Variants in UHMK1 observed in about 807,000 individuals in gnomAD.
UHMK1 encodes serine/threonine-protein kinase Kist.
Under a neutral mutation model 44.0 loss-of-function variants are expected in UHMK1, and 18 were observed. That is an observed-to-expected ratio of 0.41 (90% confidence interval 0.28 to 0.61). The LOEUF is 0.61. UHMK1 is among the 20% of genes least tolerant of loss of function. UHMK1 has a pLI of 0.31. For missense variants in UHMK1, 463 were observed against 522.5 expected, an observed-to-expected ratio of 0.89 and a Z score of 1.11; for synonymous variants, 231 against 198.5, an observed-to-expected ratio of 1.16 and a Z score of -1.38.
Position 162,503,759 on chromosome 1 carries a change from C to T in UHMK1, c.759C>T (p.Asn253=), listed in dbSNP as rs1651365609. 8.7e-6 allele frequency: 14 copies of T among 1,613,018 alleles called. No individual in the cohort carries two copies. Among genetic ancestry groups the T allele is most frequent in the East Asian group, 2.2e-5 (1 of 44,860 alleles). ...HTVRSQEWKA[N]SSAIIDHIFA... Reference sequence around the variant, plus strand: ...ACTTTTCTCCGTTTTTTAAGGCAAACAGTTCTGCTATTATTGATCACATAT... The same window carrying T: ...ACTTTTCTCCGTTTTTTAAGGCAAATAGTTCTGCTATTATTGATCACATAT... The change falls in exon 4 of 8, where the codon AAC becomes AAT. Residue 253 remains asparagine (N), a synonymous_variant. Transcript: ENST00000489294.
chr1:162,525,194 T>TAAA lies in UHMK1; in HGVS notation c.*2645_*2647dup, dbSNP rs1652204919. The stretch of plus-strand genomic sequence containing the variant: ...CTCCCTCCTGTGATATTATCTTTCT[T>TAAA]AAACCTGAACCAAATATCAAAAGAT... On this transcript the variant is annotated 3_prime_UTR_variant, in exon 8 of 8. Coordinates refer to ENST00000489294, the MANE Select transcript of UHMK1 (RefSeq NM_175866.5). 1.3e-5 allele frequency: 2 copies of TAAA among 152,224 alleles called. No individual in the cohort carries two copies. The highest frequency in any genetic ancestry group is 2.9e-5 in the Non-Finnish European group (2 of 68,038). The allele number at this position is 152,224 out of a possible 1,614,324, so 9.4% of individuals were successfully genotyped here.
At chr1:162,506,969 T>A (rs1651491894) in intron 4 of UHMK1, among the ~76,000 whole-genome samples, 1 of 152,220 alleles carries the variant, frequency 6.6e-6, no homozygotes, top group Non-Finnish European at 1.5e-5. Context: ...TGATTTTGAT[T>A]GTTCTGGGTC....
Position 162,502,333 on chromosome 1 carries a change from C to G in UHMK1, c.753+1229C>G, listed in dbSNP as rs377091454. 8.5e-5 allele frequency among the ~76,000 whole-genome samples: 13 copies of G among 152,246 alleles called. No individual in the cohort carries two copies. In the South Asian group the frequency reaches 2.7e-3, roughly 32 times the overall value. ...ATATAGTTTTGTTTCTTTTAAACAC[C>G]TGGTCACTGATTTCCATTGTAGCAT... is the stretch of plus-strand genomic sequence containing the variant. On this transcript the variant is annotated intron_variant, in intron 3 of 7. Coordinates refer to ENST00000489294, the MANE Select transcript of UHMK1 (RefSeq NM_175866.5).
chr1:162,511,189 C>CTTTTTTTTTTTTTTTTTTTTT (rs142796500), intron 4 of UHMK1, among the ~76,000 whole-genome samples: 4 of 101,004 alleles, frequency 4.0e-5, no homozygotes, highest in Admixed American at 1.1e-4. Context: ...TTTTCTTTTT[C>CTTTTTTTTTTTTTTTTTTTTT]TTTTTTTTTT....
At chr1:162,521,120 A>C (rs1048998356) in intron 7 of UHMK1, among the ~76,000 whole-genome samples, 1 of 152,178 alleles carries the variant, frequency 6.6e-6, no homozygotes, top group African/African-American at 2.4e-5. Context: ...CTTCATTTGA[A>C]TTTTTAATTC....
chr1:162,508,912 C>T (rs1651571270), intron 4 of UHMK1, among the ~76,000 whole-genome samples: 1 of 152,002 alleles, frequency 6.6e-6, no homozygotes, highest in Non-Finnish European at 1.5e-5. Context: ...CCCACCTTAG[C>T]CTCCAAAGTA....
chr1:162,501,136 CT>C (rs1319481571), intron 3 of UHMK1, 32 bp downstream of exon 3: 1 of 1,595,306 alleles, frequency 6.3e-7, no homozygotes, highest in Admixed American at 1.7e-5. Context: ...CTTTGGGGTC[CT>C]TACTTTCAAC....
chr1:162,512,609 T>C, intron 5 of UHMK1, 33 bp downstream of exon 5: 1 of 1,604,982 alleles, frequency 6.2e-7, no homozygotes, highest in East Asian at 2.2e-5. Context: ...TTTTTCTTGG[T>C]CATTTGACAG....
intron 6 of UHMK1, 98 bp downstream of exon 6, chr1:162,512,921 A>C: frequency 8.4e-7 from 1 of 1,187,616 alleles, no homozygotes; most frequent in South Asian, 1.3e-5. Context: ...TTATCTAATG[A>C]GAATATTGAA....
chr1:162,505,799 T>G (rs1363840859), intron 4 of UHMK1, among the ~76,000 whole-genome samples: 1 of 152,196 alleles, frequency 6.6e-6, no homozygotes, highest in Non-Finnish European at 1.5e-5. Flanking sequence ...TAGTATAGTT[T>G]CCTTTGAATA....
At position 162,500,990 on chromosome 1, in the gene UHMK1, G is replaced by C; in HGVS notation, c.639G>C (p.Leu213=). ...ELQNCLAQAG[L]QSDTECTSAV... ...AAAATTGCTTGGCCCAGGCTGGCCT[G>C]CAGAGTGATACAGAATGTACCTCAG... Residue 213 remains leucine (L), a synonymous_variant, in exon 3 of 8, where the codon CTG becomes CTC. Coordinates refer to ENST00000489294, the MANE Select transcript of UHMK1 (RefSeq NM_175866.5). 6.2e-7 allele frequency: 1 copy of C among 1,614,068 alleles called. No individual in the cohort carries two copies. Among genetic ancestry groups the C allele is most frequent in the Admixed American group, 1.7e-5 (1 of 60,020 alleles).
At chr1:162,502,616 G>A (rs1363172978) in intron 3 of UHMK1, among the ~76,000 whole-genome samples, 2 of 152,140 alleles carry the variant, frequency 1.3e-5, no homozygotes, top group Non-Finnish European at 2.9e-5. Flanking sequence ...AAATTTGTGT[G>A]AAATTTAGAG....
rs943984005 is a variant in UHMK1, at chr1:162,529,529, T to C, written c.*6979T>C. ...TGCCTTGTTCAGTTTTGTTGTAAAC[T>C]GACTTACCATAAGATGCACTGTTGA... is the stretch of plus-strand genomic sequence containing the variant. On this transcript the variant is annotated 3_prime_UTR_variant, in exon 8 of 8. Transcript: ENST00000489294. 6.6e-6 allele frequency: 1 copy of C among 152,230 alleles called. No individual in the cohort carries two copies. Among genetic ancestry groups the C allele is most frequent in the African/African-American group, 2.4e-5 (1 of 41,472 alleles). 9.4% of individuals were successfully genotyped at this position (152,230 alleles called of 1,614,324 possible).
chr1:162,520,918 T>C (rs1652031652), intron 7 of UHMK1, among the ~76,000 whole-genome samples: 1 of 152,150 alleles, frequency 6.6e-6, no homozygotes, highest in Non-Finnish European at 1.5e-5. Context: ...ACAGGAGAAG[T>C]CTTTTCCAGA....
rs761470637 is a variant in UHMK1, at chr1:162,498,186, C to T, written c.186C>T (p.Thr62=). 3.1e-6 allele frequency: 5 copies of T among 1,612,986 alleles called. No individual in the cohort carries two copies. The highest frequency in any genetic ancestry group is 2.2e-5 in the East Asian group (1 of 44,844). Residue 62 remains threonine (T), a synonymous_variant, in exon 1 of 8, where the codon ACC becomes ACT. Coordinates refer to ENST00000489294, the MANE Select transcript of UHMK1 (RefSeq NM_175866.5). ...ALKQFLPPGT[T]GAAASAAEYG... is the part of the protein sequence containing the mutation. The stretch of plus-strand genomic sequence containing the variant: ...AGCAGTTCTTGCCGCCAGGAACCAC[C>T]GGGGCTGCGGCCTCTGCCGCCGAGT...
At chr1:162,501,128 T>A (rs766954244) in intron 3 of UHMK1, 24 bp downstream of exon 3, 4 of 1,606,474 alleles carry the variant, frequency 2.5e-6, no homozygotes, top group Non-Finnish European at 3.4e-6. Context: ...GTGCTTTGCT[T>A]TGGGGTCCTT....
chr1:162,507,302 T>G (rs1651502484), intron 4 of UHMK1, among the ~76,000 whole-genome samples: 1 of 152,116 alleles, frequency 6.6e-6, no homozygotes, highest in African/African-American at 2.4e-5. Context: ...ATATTTTTAG[T>G]AGAGACAGGG....
At chr1:162,518,394 T>A (rs896991817) in intron 7 of UHMK1, among the ~76,000 whole-genome samples, 10 of 145,898 alleles carry the variant, frequency 6.9e-5, no homozygotes, top group East Asian at 3.9e-4. Flanking sequence ...GCACTTAAAA[T>A]TTTTTTTTTT....
At chr1:162,515,761 G>A (rs200073977) in intron 6 of UHMK1, among the ~76,000 whole-genome samples, 5 of 151,806 alleles carry the variant, frequency 3.3e-5, no homozygotes, top group Admixed American at 6.6e-5. Flanking sequence ...TTGGCCGGGC[G>A]TGGTGGCTCA....
Sources: allele counts gnomAD v4.1 joint callset (sites outside exome capture counted in the v4.1 genomes callset), GRCh38; gene constraint gnomAD v4.1.1; transcripts MANE v1.5; gene names NCBI Gene and HGNC (gene_info 2026-07-23, HGNC 2026-07-21).